PRKAR1A: variants seen among roughly 807,000 people sequenced by gnomAD.
The protein encoded by PRKAR1A is cAMP-dependent protein kinase type I-alpha regulatory subunit.
A neutral mutation model predicts 52.0 loss-of-function variants in PRKAR1A; 3 were observed. The observed-to-expected ratio is 0.06, with a 90% CI of 0.03 to 0.15. PRKAR1A has a LOEUF of 0.15. Among genes scored for constraint, PRKAR1A ranks in the 10% least tolerant of loss-of-function variants. The pLI is 1.00. For synonymous variants in PRKAR1A, 188 were observed against 168.4 expected (o/e 1.12, Z -0.90); for missense variants, 240 against 477.4 (o/e 0.50, Z 4.63).
intron 11 of PRKAR1A, among the ~76,000 whole-genome samples, chr17:68,548,520 ACT>A (rs923254525): frequency 1.3e-5 from 2 of 151,392 alleles, no homozygotes; most frequent in African/African-American, 4.9e-5. Flanking sequence ...ACAGAGTGAG[ACT>A]CTGTCTCAAA....
chr17:68,468,820 A>C, the PRKAR1A span, among the ~76,000 whole-genome samples: 2 of 152,142 alleles, frequency 1.3e-5, no homozygotes, highest in Non-Finnish European at 2.9e-5. Flanking sequence ...GACTATTTAC[A>C]TGCTGTTAGG....
chr17:68,472,970 T>A, the PRKAR1A span, among the ~76,000 whole-genome samples: 1 of 151,878 alleles, frequency 6.6e-6, no homozygotes, highest in African/African-American at 2.4e-5. Context: ...AAATAATAAA[T>A]TGTTAATGTG....
chr17:68,475,370 A>G, the PRKAR1A span, among the ~76,000 whole-genome samples: 3 of 152,264 alleles, frequency 2.0e-5, no homozygotes, highest in African/African-American at 7.2e-5. Flanking sequence ...ATACTGAACA[A>G]AGAAAGCAAG....
intron 11 of PRKAR1A, among the ~76,000 whole-genome samples, chr17:68,544,168 A>G (rs1227957837): frequency 1.3e-5 from 2 of 152,162 alleles, no homozygotes; most frequent in Admixed American, 1.3e-4. Context: ...TGGCCCAGAA[A>G]TGCAACTTAG....
At chr17:68,427,448 CT>C in the PRKAR1A span, 1 of 405,166 alleles carries the variant, frequency 2.5e-6, no homozygotes, top group Non-Finnish European at 4.5e-6. Context: ...CCTCCGCCTC[CT>C]GGGTTCAAGC....
the PRKAR1A span, among the ~76,000 whole-genome samples, chr17:68,429,177 T>C: frequency 6.6e-6 from 1 of 151,914 alleles, no homozygotes; most frequent in East Asian, 1.9e-4. Context: ...GTGTAGATGC[T>C]GCGACCCTGC....
At chr17:68,536,158 T>G (rs1334899112), downstream of PRKAR1A, 3 of 454,044 alleles carry the variant, frequency 6.6e-6, no homozygotes, top group Non-Finnish European at 1.3e-5. Context: ...CAGTCGAGGC[T>G]ATCTTTGCTC....
At chr17:68,417,732 A>ACTTT in the PRKAR1A span, among the ~76,000 whole-genome samples, 1 of 63,188 alleles carries the variant, frequency 1.6e-5, no homozygotes, top group Non-Finnish European at 3.4e-5. Flanking sequence ...AGAGTTGCTG[A>ACTTT]ATTTTTTTTT....
At position 68,530,673 on chromosome 17, in the gene PRKAR1A, C is replaced by T. The variant is rs1489263218; in HGVS notation, c.*224C>T. 2 of 1,433,150 alleles carry T rather than the reference C, an allele frequency of 1.4e-6. No homozygotes were observed. Among genetic ancestry groups the T allele is most frequent in the African/African-American group, 2.9e-5 (2 of 70,146 alleles). The allele number at this position is 1,433,150 out of a possible 1,614,324, so 88.8% of individuals were successfully genotyped here. A position where few individuals can be genotyped will look rare whatever the true frequency, so the allele number is the denominator to read the frequency against. Reference sequence around the variant, plus strand: ...TAGAAAGAGTTCTATGGAGACTTTGCTGTTACTGCTTCTCTTTGTGCAGTG... The same window carrying T: ...TAGAAAGAGTTCTATGGAGACTTTGTTGTTACTGCTTCTCTTTGTGCAGTG... On this transcript the variant is annotated 3_prime_UTR_variant, in exon 11 of 11. Coordinates refer to ENST00000589228, the MANE Select transcript of PRKAR1A (RefSeq NM_002734.5).
chr17:68,513,467 T>C (rs2085335976), intron 1 of PRKAR1A, among the ~76,000 whole-genome samples: 2 of 152,252 alleles, frequency 1.3e-5, no homozygotes, highest in Non-Finnish European at 2.9e-5. Context: ...TGTTTTTATT[T>C]ATTTCCCAGA....
chr17:68,539,938 C>T (rs1004089452), intron 11 of PRKAR1A: 22 of 1,614,082 alleles, frequency 1.4e-5, no homozygotes, highest in Non-Finnish European at 1.9e-5. Flanking sequence ...ACTTGGTGAA[C>T]ATCTCATAAT....
rs768226161 is a variant in PRKAR1A at position 68,541,001 on chromosome 17, G to C, written c.974-10083G>C. The C allele has an allele frequency of 3.9e-6, 6 of 1,552,102 alleles. No homozygotes were observed. In the South Asian group the frequency reaches 7.1e-5, roughly 18 times the overall value. ...TCCTGGGGCTGGAAAAGCCAAGATGGCAGGGTGTCGGGGGTCTCCCCACAC... is the reference window on the plus strand; with the variant it reads ...TCCTGGGGCTGGAAAAGCCAAGATGCCAGGGTGTCGGGGGTCTCCCCACAC... On this transcript the variant is annotated intron_variant, in intron 11 of 11. Coordinates refer to the PRKAR1A transcript ENST00000585981.
At chr17:68,455,537 A>C in the PRKAR1A span, among the ~76,000 whole-genome samples, 1 of 152,220 alleles carries the variant, frequency 6.6e-6, no homozygotes, top group Non-Finnish European at 1.5e-5. Context: ...AAATGTATTC[A>C]GTAAGGGGCT....
chr17:68,425,924 C>A, the PRKAR1A span: 35,143 of 659,812 alleles, frequency 0.053, 1,819 homozygotes, highest in South Asian at 0.17. Flanking sequence ...CACAGTACAA[C>A]AAATATCCTA....
the PRKAR1A span, among the ~76,000 whole-genome samples, chr17:68,448,132 AC>A: frequency 6.6e-6 from 1 of 152,146 alleles, no homozygotes; most frequent in African/African-American, 2.4e-5. Context: ...ACAGAATAGA[AC>A]AGGACACACT....
upstream of PRKAR1A, chr17:68,511,666 G>C (rs575058223): frequency 0.12 from 1 of 8 alleles, no homozygotes; most frequent in Non-Finnish European, 0.25. Flanking sequence ...CACCCCCGGC[G>C]GGGGAGAGCG....
At chr17:68,483,662 G>C in the PRKAR1A span, among the ~76,000 whole-genome samples, 24 of 152,220 alleles carry the variant, frequency 1.6e-4, no homozygotes, top group Admixed American at 2.6e-4. Context: ...AGGAGTTCAA[G>C]ACCAGCCTGA....
chr17:68,452,906 T>C, the PRKAR1A span: 3 of 1,613,374 alleles, frequency 1.9e-6, no homozygotes, highest in Non-Finnish European at 1.7e-6. Context: ...TCACACACAC[T>C]TACTGCTTCC....
intron 11 of PRKAR1A, among the ~76,000 whole-genome samples, chr17:68,542,532 T>C (rs374654023): frequency 9.2e-5 from 14 of 152,276 alleles, no homozygotes; most frequent in Admixed American, 4.6e-4. Flanking sequence ...TCTTGTGTTA[T>C]GGTCAGGCAG....
Sources: gnomAD v4.1 joint callset for allele counts (sites outside exome capture counted in the v4.1 genomes callset) on GRCh38, gnomAD v4.1.1 for gene constraint, MANE v1.5 for transcripts, NCBI Gene and HGNC (gene_info 2026-07-23, HGNC 2026-07-21) for gene names.